Variants in NEDD4 observed in about 807,000 individuals in gnomAD.
NEDD4 encodes the protein E3 ubiquitin-protein ligase NEDD4.
NEDD4 carries 99 observed loss-of-function variants against 144.9 expected under a neutral mutation model. That is an observed-to-expected ratio of 0.68 (90% CI 0.58 to 0.81). NEDD4 has a LOEUF of 0.81. Among genes scored for constraint, NEDD4 ranks in the 30% least tolerant of loss-of-function variants. The pLI is 0.00. For missense variants in NEDD4, 985 were observed against 1,065.9 expected, an observed-to-expected ratio of 0.92 and a Z score of 1.06; for synonymous variants, 318 against 350.6, an observed-to-expected ratio of 0.91 and a Z score of 1.04.
chr15:55,923,659 A>AAAAAAAAATATAT (rs546642962), intron 5 of NEDD4, among the ~76,000 whole-genome samples: 1 of 135,268 alleles, frequency 7.4e-6, no homozygotes, highest in African/African-American at 2.8e-5. Flanking sequence ...AAAAAAAAAA[A>AAAAAAAAATATAT]ATATATATAT....
chr15:55,832,907 A>G (rs1266387797), intron 27 of NEDD4, 101 bp downstream of exon 27: 5 of 765,610 alleles, frequency 6.5e-6, no homozygotes, highest in Non-Finnish European at 1.1e-5. Flanking sequence ...TTTAAAATTA[A>G]GCTAAGTGTT....
intron 5 of NEDD4, chr15:55,916,424 A>G: frequency 6.2e-7 from 1 of 1,614,078 alleles, no homozygotes; most frequent in African/African-American, 1.3e-5. Flanking sequence ...GGTGACCATC[A>G]TTCACAGCAT....
chr15:55,958,418 T>G (rs2037373509), intron 2 of NEDD4, among the ~76,000 whole-genome samples: 1 of 152,190 alleles, frequency 6.6e-6, no homozygotes, highest in African/African-American at 2.4e-5. Context: ...TAATTTCATT[T>G]TTGCATCTAT....
intron 17 of NEDD4, among the ~76,000 whole-genome samples, 193 bp from the exon 18 acceptor site, chr15:55,847,227 G>C (rs140295093): frequency 1.6e-3 from 250 of 152,276 alleles, no homozygotes; most frequent in African/African-American, 5.7e-3. Flanking sequence ...AGATAAAATT[G>C]TATTCAGCAA....
At chr15:55,967,554 C>T (rs1254914850) in intron 1 of NEDD4, among the ~76,000 whole-genome samples, 1 of 151,446 alleles carries the variant, frequency 6.6e-6, no homozygotes, top group Non-Finnish European at 1.5e-5. Context: ...TACAGGTGTA[C>T]ACTGTACTAC....
intron 5 of NEDD4, among the ~76,000 whole-genome samples, chr15:55,910,509 C>A (rs12902644): frequency 6.6e-6 from 1 of 151,844 alleles, no homozygotes; most frequent in Non-Finnish European, 1.5e-5. Flanking sequence ...CCTCTTCTAC[C>A]GCCTCACCAA....
intron 1 of NEDD4, among the ~76,000 whole-genome samples, chr15:55,978,262 G>T (rs2037738036): frequency 6.6e-6 from 1 of 152,072 alleles, no homozygotes; most frequent in South Asian, 2.1e-4. Context: ...CTTTCTCCTT[G>T]CATTTCCCAA....
intron 2 of NEDD4, among the ~76,000 whole-genome samples, chr15:55,965,904 G>A (rs529181327): frequency 2.3e-4 from 35 of 152,034 alleles, no homozygotes; most frequent in African/African-American, 6.3e-4. Context: ...CGCCTGCCTC[G>A]GCCTCCCAAA....
In NEDD4 at chr15:55,916,165, G is replaced by T. The variant is rs2036436017; in HGVS notation, c.291+8481C>A. Reference sequence around the variant, plus strand: ...GTACTTCTTGAAAAAATTTCACAAGGAGTAGTATTCCTGTTTGGCACACTT... The same window carrying T: ...GTACTTCTTGAAAAAATTTCACAAGTAGTAGTATTCCTGTTTGGCACACTT... On this transcript the variant is annotated intron_variant, in intron 5 of 28. Transcript: ENST00000435532. 6.2e-7 allele frequency: 1 copy of T among 1,613,856 alleles called. No individual in the cohort carries two copies. Among genetic ancestry groups the T allele is most frequent in the Admixed American group, 1.7e-5 (1 of 59,992 alleles).
intron 1 of NEDD4, among the ~76,000 whole-genome samples, chr15:55,980,620 A>G (rs1296241942): frequency 2.0e-5 from 3 of 152,226 alleles, no homozygotes; most frequent in Admixed American, 6.5e-5. Context: ...TCAACACAGA[A>G]AAGAGATCGA....
intron 5 of NEDD4, among the ~76,000 whole-genome samples, chr15:55,897,006 C>T (rs575750623): frequency 6.6e-6 from 1 of 152,180 alleles, no homozygotes; most frequent in African/African-American, 2.4e-5. Context: ...TGGAGTCTCA[C>T]TCTGTTGCCC....
At chr15:55,975,464 A>G (rs1460702990) in intron 1 of NEDD4, among the ~76,000 whole-genome samples, 1 of 152,212 alleles carries the variant, frequency 6.6e-6, no homozygotes, top group African/African-American at 2.4e-5. Flanking sequence ...TTAAATCAGT[A>G]GCATTTTTAT....
intron 1 of NEDD4, among the ~76,000 whole-genome samples, chr15:55,969,313 G>C (rs1212811637): frequency 6.6e-6 from 1 of 152,156 alleles, no homozygotes; most frequent in Non-Finnish European, 1.5e-5. Context: ...TGCCCCTGTA[G>C]GCTAAAGCAC....
At chr15:55,989,987 T>G (rs2037963257) in intron 1 of NEDD4, among the ~76,000 whole-genome samples, 1 of 151,976 alleles carries the variant, frequency 6.6e-6, no homozygotes, top group African/African-American at 2.4e-5. Flanking sequence ...TGAACCCTAT[T>G]GTGAACTGTC....
At chr15:55,858,536 G>A (rs893898493) in intron 11 of NEDD4, among the ~76,000 whole-genome samples, 20 of 152,084 alleles carry the variant, frequency 1.3e-4, no homozygotes, top group African/African-American at 4.1e-4. Flanking sequence ...TTGAACTCCT[G>A]ACTTCAACCC....
chr15:55,838,712 G>C, intron 21 of NEDD4, 108 bp from the exon 22 acceptor site: 1 of 659,310 alleles, frequency 1.5e-6, no homozygotes, highest in South Asian at 1.8e-5. Flanking sequence ...TGAGAGGTCA[G>C]ATGGACATCC....
At chr15:55,836,779 C>G (rs1427493251) in intron 24 of NEDD4, among the ~76,000 whole-genome samples, 3 of 152,108 alleles carry the variant, frequency 2.0e-5, no homozygotes, top group Non-Finnish European at 4.4e-5. Context: ...CTGCCCACCT[C>G]GGACTCCCAA....
chr15:55,851,710 C>G (rs1339364481), intron 13 of NEDD4, among the ~76,000 whole-genome samples: 2 of 152,016 alleles, frequency 1.3e-5, no homozygotes, highest in African/African-American at 4.8e-5. Context: ...CTCCCGACCT[C>G]AGGTGATCCT....
At position 55,990,041 on chromosome 15, in the gene NEDD4, G is replaced by C. The variant is rs1328315046; in HGVS notation, c.45+3470C>G. Among the ~76,000 whole-genome samples, 4 of 151,890 alleles carry C rather than the reference G, an allele frequency of 2.6e-5. No homozygotes were observed. The South Asian group carries it at 6.2e-4, about 24-fold the overall frequency. On this transcript the variant is annotated intron_variant, in intron 1 of 28. Transcript: ENST00000435532. ...TGTGTACCCCTTATAAGAATCTAAT[G>C]CCTGATGATTTGTCACTGTCTCCCT...
Sources: gnomAD v4.1 joint callset for allele counts (sites outside exome capture counted in the v4.1 genomes callset) on GRCh38, gnomAD v4.1.1 for gene constraint, MANE v1.5 for transcripts, NCBI Gene and HGNC (gene_info 2026-07-23, HGNC 2026-07-21) for gene names.